ABCA1: variants seen among roughly 807,000 people sequenced by gnomAD.
ABCA1 encodes ATP binding cassette subfamily A member 1, also known as phospholipid-transporting ATPase ABCA1.
Under a neutral mutation model 262.5 loss-of-function variants are expected in ABCA1, and 133 were observed. The ratio of observed to expected loss-of-function variants is 0.51; its 90% CI spans 0.44 to 0.59. ABCA1 has a LOEUF of 0.59. Ranked by LOEUF, ABCA1 falls within the 20% of genes least tolerant of loss-of-function variation. The pLI is 0.00. For missense variants in ABCA1, 2,452 were observed against 2,777.5 expected, an observed-to-expected ratio of 0.88 and a Z score of 2.63; for synonymous variants, 1,022 against 1,043.5, an observed-to-expected ratio of 0.98 and a Z score of 0.40.
rs111832419 is a variant in ABCA1 at position 104,816,439 on chromosome 9, C to T, written c.3536-94G>A. ...CCCCACCCTCTCATCAGAGGCCTGC[C>T]GCTCATACACCACACCTGTTCCAGG... On this transcript the variant is annotated intron_variant, in intron 24 of 49. Transcript: ENST00000374736. 202 of 1,142,814 alleles carry T rather than the reference C, an allele frequency of 1.8e-4. 1 individual carries two copies. In the Admixed American group the frequency reaches 2.4e-3, roughly 14 times the overall value. 70.8% of individuals were successfully genotyped at this position (1,142,814 alleles called of 1,614,324 possible).
chr9:104,856,372 C>T (rs1192455632), intron 7 of ABCA1, among the ~76,000 whole-genome samples: 1 of 152,116 alleles, frequency 6.6e-6, no homozygotes, highest in African/African-American at 2.4e-5. Flanking sequence ...CTGAGTGCTC[C>T]ACAAACCCGA....
chr9:104,829,106 A>C lies in ABCA1; in HGVS notation c.1925T>G (p.Leu642Arg). ...FLRVMSRSMP[L>R]FMTLAWIYSV... Reference sequence around the variant, plus strand: ...GTAAATCCAGGCCAGCGTCATGAAGAGGGGCATTGACCGGCTCATCACCCG... The same window carrying C: ...GTAAATCCAGGCCAGCGTCATGAAGCGGGGCATTGACCGGCTCATCACCCG... The change falls in exon 15 of 50, where the codon CTC becomes CGC. Residue 642 changes from leucine (L) to arginine (R), a missense_variant. By Grantham distance (102) the Leu-to-Arg change is moderately radical (BLOSUM62 -2). This residue lies in a region of ABCA1 where 1,032 missense variants were observed against 1,089.7 expected (regional missense o/e 0.95). Coordinates refer to ENST00000374736, the MANE Select transcript of ABCA1 (RefSeq NM_005502.4). 1 of 1,614,190 alleles carries C rather than the reference A, an allele frequency of 6.2e-7. No individual in the cohort carries two copies. The highest frequency in any genetic ancestry group is 8.5e-7 in the Non-Finnish European group (1 of 1,180,048).
chr9:104,905,991 T>C (rs1718792120), intron 1 of ABCA1, among the ~76,000 whole-genome samples: 1 of 152,204 alleles, frequency 6.6e-6, no homozygotes, highest in South Asian at 2.1e-4. Flanking sequence ...CCTTGTATGG[T>C]GTTCAACTGT....
rs1211714855 is a variant in ABCA1, at chr9:104,903,479, A to G, written c.66+135T>C. 7 of 953,252 alleles carry G rather than the reference A, an allele frequency of 7.3e-6. No homozygotes were observed. The Admixed American group carries it at 1.0e-4, about 14-fold the overall frequency. The allele number at this position is 953,252 out of a possible 1,614,324, so 59.0% of individuals were successfully genotyped here. A position where few individuals can be genotyped will look rare whatever the true frequency, so the allele number is the denominator to read the frequency against. On this transcript the variant is annotated intron_variant, in intron 2 of 49. Transcript: ENST00000374736. ...ATCCGGACCACACAGTCCTGTGTCCATAAGAGCCAGATTCCATCAATCCCT... is the reference window on the plus strand; with the variant it reads ...ATCCGGACCACACAGTCCTGTGTCCGTAAGAGCCAGATTCCATCAATCCCT...
At chr9:104,913,975 A>G (rs1417974270) in intron 1 of ABCA1, among the ~76,000 whole-genome samples, 1 of 151,222 alleles carries the variant, frequency 6.6e-6, no homozygotes, top group African/African-American at 2.4e-5. Context: ...AATTTTTTGT[A>G]TTTTTAGTAG....
intron 2 of ABCA1, among the ~76,000 whole-genome samples, chr9:104,902,430 A>T (rs75424347): frequency 5.5e-4 from 84 of 152,338 alleles, no homozygotes; most frequent in Non-Finnish European, 9.6e-4. Flanking sequence ...CCAAACTCAA[A>T]ATGATCAGCA....
intron 4 of ABCA1, among the ~76,000 whole-genome samples, chr9:104,884,194 G>A (rs1838948908): frequency 6.6e-6 from 1 of 152,168 alleles, no homozygotes; most frequent in African/African-American, 2.4e-5. Flanking sequence ...CTAGCAGACA[G>A]GACTTGAAAT....
At position 104,824,474 on chromosome 9, in the gene ABCA1, T is replaced by C. The variant is rs1394478178; in HGVS notation, c.2647A>G (p.Ile883Val). The change falls in exon 18 of 50, where the codon ATA becomes GTA. Residue 883 changes from isoleucine (I) to valine (V), a missense_variant. Physicochemically the swap from Ile to Val is conservative, Grantham distance 29. Coordinates refer to ENST00000374736, the MANE Select transcript of ABCA1 (RefSeq NM_005502.4). ...GGTCAACAGCACTTACTTTCTGATA[T>C]TCTCTTCTGGTTGGAACCAGGGTGG... is the stretch of plus-strand genomic sequence containing the variant. ...KSHPGSNQKRISEICMEEEPT... is the reference protein window; with the variant it reads ...KSHPGSNQKRVSEICMEEEPT... The C allele has an allele frequency of 1.9e-6, 3 of 1,614,026 alleles. No homozygotes were observed. The highest frequency in any genetic ancestry group is 1.1e-5 in the South Asian group (1 of 91,084).
intron 5 of ABCA1, among the ~76,000 whole-genome samples, chr9:104,880,393 G>C (rs960522989): frequency 6.6e-6 from 1 of 151,916 alleles, no homozygotes; most frequent in Non-Finnish European, 1.5e-5. Flanking sequence ...CCAGCCCTTC[G>C]GGAGGCTAAG....
At position 104,837,445 on chromosome 9, in the gene ABCA1, T is replaced by G. The variant is rs1180105887; in HGVS notation, c.1177A>C (p.Arg393=). 6.2e-7 allele frequency: 1 copy of G among 1,614,084 alleles called. No individual in the cohort carries two copies. Among genetic ancestry groups the G allele is most frequent in the Admixed American group, 1.7e-5 (1 of 60,016 alleles). ...ILYTPDTPAT[R]QVMAEVNKTF... ...CAGCTTACCTCAGCCATGACCTGCC[T>G]TGTGGCTGGAGTGTCAGGTGTATAC... The change falls in exon 10 of 50, where the codon AGG becomes CGG. Residue 393 remains arginine (R), a synonymous_variant. Coordinates refer to ENST00000374736, the MANE Select transcript of ABCA1 (RefSeq NM_005502.4).
rs554527358 is a variant in ABCA1 at position 104,825,358 on chromosome 9, C to T, written c.2542+325G>A. Among the ~76,000 whole-genome samples the T allele has an allele frequency of 1.3e-4, 20 of 152,312 alleles. No homozygotes were observed. In the South Asian group the frequency reaches 2.9e-3, roughly 22 times the overall value. Reference sequence around the variant, plus strand: ...TGTGTGACCAAAGCTGGTTACTTAACGTCTTTGAGTCACAGTTCTCTCATT... The same window carrying T: ...TGTGTGACCAAAGCTGGTTACTTAATGTCTTTGAGTCACAGTTCTCTCATT... On this transcript the variant is annotated intron_variant, in intron 17 of 49. Transcript: ENST00000374736.
chr9:104,845,268 A>T (rs1187006395), intron 8 of ABCA1, among the ~76,000 whole-genome samples: 1 of 152,262 alleles, frequency 6.6e-6, no homozygotes. Context: ...GCCACTAACC[A>T]ATTAGCTCTG....
chr9:104,798,231 A>G (rs970725018), intron 37 of ABCA1, among the ~76,000 whole-genome samples, 190 bp downstream of exon 37: 4 of 152,254 alleles, frequency 2.6e-5, no homozygotes. Flanking sequence ...CTGGTGTGAC[A>G]TGAACTCTGG....
rs1173121015 is a variant in ABCA1, at chr9:104,785,595, T to C, written c.6446A>G (p.Asn2149Ser). Residue 2149 changes from asparagine to serine, a missense_variant, in exon 49 of 50, where the codon AAC becomes AGC. By Grantham distance (46) the Asn-to-Ser change is conservative. Around this residue, in one of 4 missense-constraint regions of ABCA1, gnomAD observed 752 missense variants for 944.5 expected, o/e 0.80. Coordinates refer to ENST00000374736, the MANE Select transcript of ABCA1 (RefSeq NM_005502.4). Reference sequence around the variant, plus strand: ...ATCCTGGACAGGCTTCAGGTCCGGGTTGGACCCTGCTATTCGTACAACTAT... The same window carrying C: ...ATCCTGGACAGGCTTCAGGTCCGGGCTGGACCCTGCTATTCGTACAACTAT... ...YTIVVRIAGSNPDLKPVQDFF... is the reference protein window; with the variant it reads ...YTIVVRIAGSSPDLKPVQDFF... The C allele has an allele frequency of 1.2e-6, 2 of 1,614,030 alleles. No individual in the cohort carries two copies. Among genetic ancestry groups the C allele is most frequent in the Admixed American group, 1.7e-5 (1 of 60,006 alleles).
intron 5 of ABCA1, among the ~76,000 whole-genome samples, chr9:104,874,915 G>A (rs1326222832): frequency 6.7e-6 from 1 of 150,166 alleles, no homozygotes; most frequent in Non-Finnish European, 1.5e-5. Flanking sequence ...GGGAGGTGGG[G>A]GGCGCCTCTG....
intron 1 of ABCA1, among the ~76,000 whole-genome samples, chr9:104,925,307 G>A (rs1388957434): frequency 3.9e-5 from 5 of 127,928 alleles, no homozygotes; most frequent in African/African-American, 1.4e-4. Flanking sequence ...AACCCAGGAG[G>A]TGGAGGTTGC....
chr9:104,865,190 G>A (rs1382359958), intron 5 of ABCA1, among the ~76,000 whole-genome samples: 2 of 152,112 alleles, frequency 1.3e-5, no homozygotes, highest in South Asian at 4.1e-4. Context: ...TCAGCTGGGG[G>A]CTTCACAAAA....
rs532629501 is a variant in ABCA1 at position 104,826,961 on chromosome 9, A to G, written c.2324T>C (p.Leu775Pro). The change falls in exon 16 of 50, where the codon CTC becomes CCC. Residue 775 changes from leucine to proline, a missense_variant. Transcript: ENST00000374736. Reference sequence around the variant, plus strand: ...AGAGGTACTCACAGCGAAGATCTTGAGTGTGAAGCCCACGTAGTCCTGCCA... The same window carrying G: ...AGAGGTACTCACAGCGAAGATCTTGGGTGTGAAGCCCACGTAGTCCTGCCA... ...VAWQDYVGFT[L>P]KIFASLLSPV... is the part of the protein sequence containing the mutation. 5.6e-6 allele frequency: 9 copies of G among 1,613,918 alleles called. No individual in the cohort carries two copies. Among genetic ancestry groups the G allele is most frequent in the Non-Finnish European group, 7.6e-6 (9 of 1,180,016 alleles).
At chr9:104,816,669 G>C (rs1265874268) in intron 24 of ABCA1, among the ~76,000 whole-genome samples, 1 of 151,702 alleles carries the variant, frequency 6.6e-6, no homozygotes, top group Non-Finnish European at 1.5e-5. Context: ...ATGGGTGAAT[G>C]GATAACTGAG....
Sources: gnomAD v4.1 joint callset for allele counts (sites outside exome capture counted in the v4.1 genomes callset) on GRCh38, gnomAD v4.1.1 for gene constraint, gnomAD v4.1.1 regional missense constraint, MANE v1.5 for transcripts, NCBI Gene and HGNC (gene_info 2026-07-23, HGNC 2026-07-21) for gene names.